Variants in CD46 observed in about 807,000 individuals in gnomAD.
CD46 encodes the protein membrane cofactor protein.
CD46 carries 30 observed loss-of-function variants against 53.3 expected under a neutral mutation model. The observed-to-expected ratio is 0.56, with a 90% CI of 0.42 to 0.76. CD46 has a LOEUF of 0.76. Among genes scored for constraint, CD46 ranks in the 30% least tolerant of loss-of-function variants. The probability of loss-of-function intolerance (pLI) is 0.00; values close to 1 mark genes in which losing one functional copy is unlikely to be tolerated. For synonymous variants in CD46, 142 were observed against 152.0 expected (o/e 0.93, Z 0.48); for missense variants, 409 against 463.0 (o/e 0.88, Z 1.07).
rs1244341957 is a variant in CD46, at chr1:207,776,713, C to T, written c.943+6351C>T. The stretch of plus-strand genomic sequence containing the variant: ...GTGCAACCACGGCACACTGCAGCCT[C>T]AACCTCCTGGGCTCAGGTGATTCTC... On this transcript the variant is annotated intron_variant, in intron 8 of 12. Coordinates refer to ENST00000367042, the MANE Select transcript of CD46 (RefSeq NM_172351.3). 2.0e-5 allele frequency among the ~76,000 whole-genome samples: 3 copies of T among 152,252 alleles called. No homozygotes were observed. The East Asian group carries it at 5.8e-4, about 29-fold the overall frequency.
At position 207,763,678 on chromosome 1, in the gene CD46, AT is replaced by A. The variant is rs540567131; in HGVS notation, c.673+2240del. Among the ~76,000 whole-genome samples, 60 of 150,660 alleles carry A rather than the reference AT, an allele frequency of 4.0e-4. No homozygotes were observed. The East Asian group carries it at 7.0e-3, about 18-fold the overall frequency. ...TTAGTTTTATCTCTGAATATTTTTT[AT>A]TTTTTTTCAATGTATTTTTTTTCTG... On this transcript the variant is annotated intron_variant, in intron 5 of 12. Coordinates refer to ENST00000367042, the MANE Select transcript of CD46 (RefSeq NM_172351.3).
rs769195427 is a variant in CD46, at chr1:207,752,232, G to C, written c.20G>C (p.Arg7Pro). 1 of 1,614,030 alleles carries C rather than the reference G, an allele frequency of 6.2e-7. No homozygotes were observed. Among genetic ancestry groups the C allele is most frequent in the South Asian group, 1.1e-5 (1 of 91,090 alleles). The change falls in exon 1 of 13, where the codon CGC (arginine) becomes CCC (proline). Residue 7 changes from arginine (R) to proline (P), a missense_variant. Arg to Pro is a moderately radical substitution (Grantham distance 103). Transcript: ENST00000367042. The surrounding 1 kb of genome is among the most constrained non-coding windows in gnomAD (Gnocchi z 4.1). ...CCGCGCATGGAGCCTCCCGGCCGCC[G>C]CGAGTGTCCCTTTCCTTCCTGGCGC... Reference protein sequence around the residue: MEPPGRRECPFPSWRFP... With the variant: MEPPGRPECPFPSWRFP...
intron 8 of CD46, among the ~76,000 whole-genome samples, chr1:207,776,640 C>G (rs1364191439): frequency 6.6e-6 from 1 of 151,940 alleles, no homozygotes; most frequent in South Asian, 2.1e-4. Context: ...TTTGTTTTTG[C>G]TTTTTTGAGA....
At chr1:207,760,242 A>G (rs1656029334) in intron 4 of CD46, 1 of 152,994 alleles carries the variant, frequency 6.5e-6, no homozygotes, top group African/African-American at 2.4e-5. Context: ...TATGAAAAAT[A>G]ATAATTTTCC....
Position 207,794,966 on chromosome 1 carries a change from A to G in CD46, c.*1489A>G, listed in dbSNP as rs1336412539. 1.3e-5 allele frequency: 2 copies of G among 152,256 alleles called. No individual in the cohort carries two copies. The highest frequency in any genetic ancestry group is 1.9e-4 in the East Asian group (1 of 5,202). The allele number at this position is 152,256 out of a possible 1,614,324, so 9.4% of individuals were successfully genotyped here. A position where few individuals can be genotyped will look rare whatever the true frequency, so the allele number is the denominator to read the frequency against. On this transcript the variant is annotated 3_prime_UTR_variant, in exon 13 of 13. Coordinates refer to ENST00000367042, the MANE Select transcript of CD46 (RefSeq NM_172351.3). The stretch of plus-strand genomic sequence containing the variant: ...AAATACTGTTTTACTGTCCAAAGAC[A>G]TGTTTATAGTGCTCTGTAAATGTTC...
rs1660152265 is a variant in CD46, at chr1:207,795,233, T to C, written c.*1756T>C. 1 of 152,190 alleles carries C rather than the reference T, an allele frequency of 6.6e-6. No individual in the cohort carries two copies. Among genetic ancestry groups the C allele is most frequent in the Non-Finnish European group, 1.5e-5 (1 of 68,042 alleles). 9.4% of individuals were successfully genotyped at this position (152,190 alleles called of 1,614,324 possible). A position where few individuals can be genotyped will look rare whatever the true frequency, so the allele number is the denominator to read the frequency against. On this transcript the variant is annotated 3_prime_UTR_variant, in exon 13 of 13. Transcript: ENST00000367042. ...AATATACTTGTATAGCAGTTTCTGCTTCACATTTGATTTTTTCAAATTTAA... is the reference window on the plus strand; with the variant it reads ...AATATACTTGTATAGCAGTTTCTGCCTCACATTTGATTTTTTCAAATTTAA...
In CD46 at chr1:207,793,799, C is replaced by T. The variant is rs1660018283; in HGVS notation, c.*322C>T. 2 of 626,294 alleles carry T rather than the reference C, an allele frequency of 3.2e-6. No homozygotes were observed. The highest frequency in any genetic ancestry group is 3.7e-4 in the Middle Eastern group (1 of 2,684). 38.8% of individuals were successfully genotyped at this position (626,294 alleles called of 1,614,324 possible). On this transcript the variant is annotated 3_prime_UTR_variant, in exon 13 of 13. Coordinates refer to ENST00000367042, the MANE Select transcript of CD46 (RefSeq NM_172351.3). ...AGATTGCCTGCTTTCCCTTAAATAACACTTAGATTTATTGGACCAGTCAGC... is the reference window on the plus strand; with the variant it reads ...AGATTGCCTGCTTTCCCTTAAATAATACTTAGATTTATTGGACCAGTCAGC...
intron 8 of CD46, among the ~76,000 whole-genome samples, chr1:207,770,719 A>G (rs1039322411): frequency 6.6e-6 from 1 of 152,186 alleles, no homozygotes; most frequent in African/African-American, 2.4e-5. Context: ...ATGTCCCTGC[A>G]AAGGACATGA....
intron 8 of CD46, among the ~76,000 whole-genome samples, chr1:207,771,507 T>C (rs1454658428): frequency 6.6e-6 from 1 of 152,216 alleles, no homozygotes; most frequent in Non-Finnish European, 1.5e-5. Context: ...CTAGGTTTTC[T>C]TGTTGGGTTT....
At position 207,769,825 on chromosome 1, in the gene CD46, C is replaced by T. The variant is rs113062698; in HGVS notation, c.902-496C>T. 1.0e-3 allele frequency: 165 copies of T among 157,334 alleles called. 2 individuals are homozygous for T. The highest frequency in any genetic ancestry group is 1.3e-3 in the Non-Finnish European group (94 of 71,714). 9.7% of individuals were successfully genotyped at this position (157,334 alleles called of 1,614,324 possible). On this transcript the variant is annotated intron_variant, in intron 7 of 12. Coordinates refer to ENST00000367042, the MANE Select transcript of CD46 (RefSeq NM_172351.3). ...TCACCCAGGATGGCGTGCAGTGGCG[C>T]GGTCTTGGCTCACTGCAACCTCCGC...
intron 8 of CD46, among the ~76,000 whole-genome samples, chr1:207,779,495 A>G (rs948997296): frequency 6.6e-6 from 1 of 152,102 alleles, no homozygotes; most frequent in African/African-American, 2.4e-5. Context: ...TTATTTAACT[A>G]TTCTCCTATC....
At chr1:207,769,018 G>A (rs959237288) in intron 7 of CD46, 1 of 152,204 alleles carries the variant, frequency 6.6e-6, no homozygotes, top group Non-Finnish European at 1.5e-5. Context: ...CCAGAACTTT[G>A]GGAGGCCGAG....
rs1310159379 is a variant in CD46 at position 207,794,265 on chromosome 1, A to G, written c.*788A>G. On this transcript the variant is annotated 3_prime_UTR_variant, in exon 13 of 13. Transcript: ENST00000367042. The stretch of plus-strand genomic sequence containing the variant: ...TTAAAACATCCCTAACTGATCGAAT[A>G]TATCAGTAATTTCAGAATCAGATGC... The G allele has an allele frequency of 6.6e-6, 1 of 152,420 alleles. No homozygotes were observed. Among genetic ancestry groups the G allele is most frequent in the Non-Finnish European group, 1.5e-5 (1 of 68,204 alleles). 9.4% of individuals were successfully genotyped at this position (152,420 alleles called of 1,614,324 possible).
At chr1:207,772,112 C>T (rs913134898) in intron 8 of CD46, among the ~76,000 whole-genome samples, 6 of 152,144 alleles carry the variant, frequency 3.9e-5, no homozygotes, top group Admixed American at 6.5e-5. Flanking sequence ...ATGTCCTTCA[C>T]ATCCATCCCT....
intron 8 of CD46, among the ~76,000 whole-genome samples, chr1:207,774,239 A>G (rs910178847): frequency 4.0e-5 from 6 of 151,390 alleles, no homozygotes; most frequent in Non-Finnish European, 7.4e-5. Flanking sequence ...TGCTTGGTAG[A>G]TCTTCCTCTG....
chr1:207,783,476 T>C (rs542439049), intron 9 of CD46, 146 bp downstream of exon 9: 8 of 572,232 alleles, frequency 1.4e-5, no homozygotes, highest in Admixed American at 2.8e-5. Context: ...GGTTAAAATA[T>C]ATAAAACACA....
chr1:207,767,660 G>T, intron 6 of CD46, 119 bp from the exon 7 acceptor site: 1 of 1,611,430 alleles, frequency 6.2e-7, no homozygotes, highest in South Asian at 1.1e-5. Context: ...AGGTTTAGTA[G>T]CTTCTTCCTT....
intron 5 of CD46, among the ~76,000 whole-genome samples, chr1:207,764,075 A>G (rs1441756849): frequency 6.6e-6 from 1 of 151,878 alleles, no homozygotes; most frequent in Admixed American, 6.6e-5. Flanking sequence ...CTAAGGTTAA[A>G]TCTTTGGAAA....
At chr1:207,753,697 C>A (rs755003952) in intron 1 of CD46, among the ~76,000 whole-genome samples, 6 of 151,620 alleles carry the variant, frequency 4.0e-5, no homozygotes, top group African/African-American at 1.5e-4. Context: ...AAAAAAAAAA[C>A]CCGCTAAGAA....
Sources: allele counts gnomAD v4.1 joint callset (sites outside exome capture counted in the v4.1 genomes callset), GRCh38; gene constraint gnomAD v4.1.1; non-coding constraint Gnocchi (gnomAD v3.1); transcripts MANE v1.5; gene names NCBI Gene and HGNC (gene_info 2026-07-23, HGNC 2026-07-21).